The following CDH18 variants were observed in gnomAD, a reference collection of about 807,000 sequenced individuals.
CDH18 encodes cadherin-18.
A neutral mutation model predicts 67.9 loss-of-function variants in CDH18; 31 were observed. The observed-to-expected ratio is 0.46, with a 90% CI of 0.34 to 0.62. The LOEUF (loss-of-function observed/expected upper bound fraction) is 0.62. Ranked by LOEUF, CDH18 falls within the 20% of genes least tolerant of loss-of-function variation. CDH18 has a pLI of 0.01. For missense variants in CDH18, 890 were observed against 975.5 expected (o/e 0.91, Z 1.17); for synonymous variants, 362 against 347.2 (o/e 1.04, Z -0.48).
intron 1 of CDH18, among the ~76,000 whole-genome samples, chr5:20,418,104 T>G (rs2150154057): frequency 6.6e-6 from 1 of 152,084 alleles, no homozygotes. Context: ...GACAGACTCT[T>G]GCTGTTGTCG....
chr5:20,245,277 G>A (rs926970498), intron 2 of CDH18, among the ~76,000 whole-genome samples: 1 of 152,128 alleles, frequency 6.6e-6, no homozygotes, highest in Non-Finnish European at 1.5e-5. Flanking sequence ...AGCGAGTGAA[G>A]CTGTATCAAA....
intron 10 of CDH18, among the ~76,000 whole-genome samples, chr5:19,517,650 G>A (rs1579954810): frequency 6.6e-6 from 1 of 152,130 alleles, no homozygotes; most frequent in African/African-American, 2.4e-5. Context: ...TAGGCAGTAT[G>A]CTTGGTGGTT....
At chr5:20,547,871 A>G (rs1449429419) in intron 1 of CDH18, among the ~76,000 whole-genome samples, 3 of 152,076 alleles carry the variant, frequency 2.0e-5, no homozygotes, top group East Asian at 1.9e-4. Flanking sequence ...AGATACTTTT[A>G]TTAGTACCTA....
At chr5:19,713,795 G>A (rs1161484678) in intron 5 of CDH18, among the ~76,000 whole-genome samples, 13 of 152,180 alleles carry the variant, frequency 8.5e-5, no homozygotes, top group African/African-American at 3.1e-4. Context: ...TTAAATCAGT[G>A]TGAAAAATGT....
chr5:19,703,259 T>C (rs1175264412), intron 5 of CDH18, among the ~76,000 whole-genome samples: 1 of 152,096 alleles, frequency 6.6e-6, no homozygotes. Flanking sequence ...TTGGAGAACA[T>C]GGAACTAAGC....
intron 2 of CDH18, among the ~76,000 whole-genome samples, chr5:19,869,529 T>TG (rs1785983447): frequency 6.6e-6 from 1 of 152,044 alleles, no homozygotes. Flanking sequence ...AAAATAAAAA[T>TG]CTTCTTTTGT....
chr5:19,593,709 T>TCCTCCTCCTCCTCCTCCTCCTCCTCCTCC (rs70950076), intron 6 of CDH18, among the ~76,000 whole-genome samples: 2 of 111,178 alleles, frequency 1.8e-5, no homozygotes, highest in Non-Finnish European at 3.4e-5. Flanking sequence ...CTCCTCCTCC[T>TCCTCCTCCTCCTCCTCCTCCTCCTCCTCC]TCTTCTTCTT....
At chr5:19,479,108 T>C (rs1738971340) in intron 12 of CDH18, among the ~76,000 whole-genome samples, 1 of 152,150 alleles carries the variant, frequency 6.6e-6, no homozygotes, top group Non-Finnish European at 1.5e-5. Flanking sequence ...ACAGAATGAC[T>C]CTAAGGTCCT....
chr5:20,494,575 T>C (rs1753799644), intron 1 of CDH18, among the ~76,000 whole-genome samples: 1 of 152,006 alleles, frequency 6.6e-6, no homozygotes, highest in Non-Finnish European at 1.5e-5. Context: ...AAAAAGAAAT[T>C]GGCCATAATT....
intron 5 of CDH18, among the ~76,000 whole-genome samples, chr5:19,703,487 G>T (rs1039224903): frequency 1.3e-4 from 20 of 152,128 alleles, no homozygotes; most frequent in African/African-American, 4.3e-4. Flanking sequence ...AAAGGAGGGA[G>T]AGGTTTGTCC....
intron 2 of CDH18, among the ~76,000 whole-genome samples, chr5:20,007,672 AGTGTGTGTGTGTGTGTGT>A (rs145213048): frequency 5.7e-5 from 8 of 140,240 alleles, no homozygotes; most frequent in Admixed American, 2.2e-4. Flanking sequence ...GTGTGTGGAA[AGTGTGTGTGTGTGTGTGT>A]GTGTGTGTGT....
At chr5:20,095,589 G>GAAGGAAGAAAGAAAGA (rs1745915918) in intron 2 of CDH18, among the ~76,000 whole-genome samples, 2 of 141,858 alleles carry the variant, frequency 1.4e-5, no homozygotes, top group Admixed American at 7.4e-5. Context: ...AGGAAGAAAG[G>GAAGGAAGAAAGAAAGA]AAGAAAGAAG....
intron 5 of CDH18, among the ~76,000 whole-genome samples, chr5:19,693,078 C>CT (rs34074107): frequency 0.23 from 34,041 of 146,144 alleles, 4,287 homozygotes; most frequent in Non-Finnish European, 0.28. Context: ...TAATAAAATC[C>CT]TTTTTTTTTT....
At chr5:19,757,896 G>C (rs1396481518) in intron 3 of CDH18, among the ~76,000 whole-genome samples, 1 of 152,184 alleles carries the variant, frequency 6.6e-6, no homozygotes, top group African/African-American at 2.4e-5. Context: ...TTGTCCTTCA[G>C]GGATGTCCTT....
In CDH18 at chr5:20,172,562, T is replaced by C. The variant is rs150475328; in HGVS notation, c.-518+82882A>G. On this transcript the variant is annotated intron_variant, in intron 2 of 14. Transcript: ENST00000507958. Reference sequence around the variant, plus strand: ...AGTGGTTTTCTTGTGAACTCAGTTATTGAATAAGTTCTGCTCAACTTGCCA... The same window carrying C: ...AGTGGTTTTCTTGTGAACTCAGTTACTGAATAAGTTCTGCTCAACTTGCCA... Among the ~76,000 whole-genome samples, 874 of 151,984 alleles carry C rather than the reference T, an allele frequency of 5.8e-3. 1 individual carries two copies. The highest frequency in any genetic ancestry group is 8.9e-3 in the Non-Finnish European group (608 of 67,978).
intron 1 of CDH18, among the ~76,000 whole-genome samples, chr5:20,318,231 T>C (rs1207179800): frequency 1.3e-5 from 2 of 152,206 alleles, no homozygotes; most frequent in Non-Finnish European, 2.9e-5. Flanking sequence ...ATCTTTATTT[T>C]AGGTTTATTT....
At chr5:20,488,700 T>TATATATATATATATATATATATATATAC (rs369185147) in intron 1 of CDH18, among the ~76,000 whole-genome samples, 3 of 137,300 alleles carry the variant, frequency 2.2e-5, no homozygotes, top group African/African-American at 8.1e-5. Context: ...TATATATATA[T>TATATATATATATATATATATATATATAC]ACACACACAT....
At chr5:19,645,078 A>G (rs1402506898) in intron 5 of CDH18, among the ~76,000 whole-genome samples, 1 of 152,214 alleles carries the variant, frequency 6.6e-6, no homozygotes, top group East Asian at 1.9e-4. Context: ...AAATGAGATG[A>G]TACATCAAAA....
intron 4 of CDH18, among the ~76,000 whole-genome samples, chr5:19,728,441 T>C (rs907033250): frequency 5.3e-5 from 8 of 152,170 alleles, no homozygotes; most frequent in African/African-American, 9.6e-5. Flanking sequence ...AAGATTTAAG[T>C]ACATGAGAAT....
Sources: allele counts gnomAD v4.1 joint callset (sites outside exome capture counted in the v4.1 genomes callset), GRCh38; gene constraint gnomAD v4.1.1; transcripts MANE v1.5; gene names NCBI Gene and HGNC (gene_info 2026-07-23, HGNC 2026-07-21).